The following TRDN variants were observed in gnomAD, a reference collection of about 807,000 sequenced individuals.
TRDN encodes triadin in skeletal muscle.
In TRDN, 161 loss-of-function variants were observed where a neutral mutation model predicts 149.7. That is an observed-to-expected ratio of 1.08 (90% CI 0.95 to 1.23). The LOEUF (loss-of-function observed/expected upper bound fraction) is 1.23, where lower values mean the gene tolerates loss of function less well. Ranked by LOEUF, TRDN falls within the 50% of genes most tolerant of loss-of-function variation. The probability of loss-of-function intolerance (pLI) is 0.00; values close to 1 mark genes in which losing one functional copy is unlikely to be tolerated. For missense variants in TRDN, 896 were observed against 823.5 expected (o/e 1.09, Z -1.08); for synonymous variants, 294 against 250.5 (o/e 1.17, Z -1.64).
chr6:123,610,649 G>A (rs1227695212), intron 1 of TRDN, among the ~76,000 whole-genome samples: 3 of 152,148 alleles, frequency 2.0e-5, no homozygotes, highest in African/African-American at 4.8e-5. Flanking sequence ...AGCCTATAAT[G>A]TACCTTCATT....
chr6:123,506,844 T>G (rs189998327), intron 7 of TRDN, among the ~76,000 whole-genome samples: 272 of 152,338 alleles, frequency 1.8e-3, no homozygotes, highest in African/African-American at 6.3e-3. Context: ...GCTTCCATTT[T>G]TCTGAATTTT....
chr6:123,352,846 AACAAGCTCT>A (rs1321323369), intron 20 of TRDN, among the ~76,000 whole-genome samples: 1 of 151,906 alleles, frequency 6.6e-6, no homozygotes, highest in East Asian at 1.9e-4. Flanking sequence ...CGCTTTGATA[AACAAGCTCT>A]ACATAGAATT....
chr6:123,634,497 A>G (rs1786188939), intron 1 of TRDN, among the ~76,000 whole-genome samples: 1 of 151,948 alleles, frequency 6.6e-6, no homozygotes, highest in African/African-American at 2.4e-5. Context: ...ATGAGATAAA[A>G]TAAGACTATT....
intron 1 of TRDN, among the ~76,000 whole-genome samples, chr6:123,577,265 C>T (rs1301992904): frequency 2.0e-5 from 3 of 151,964 alleles, no homozygotes; most frequent in Non-Finnish European, 4.4e-5. Context: ...CGTTACCCAA[C>T]AATTATTTTT....
At chr6:123,286,269 A>G (rs976703830) in intron 24 of TRDN, among the ~76,000 whole-genome samples, 10 of 152,100 alleles carry the variant, frequency 6.6e-5, no homozygotes, top group African/African-American at 2.2e-4. Context: ...ACATGGAATC[A>G]CCCCAAATGC....
At chr6:123,268,376 T>A (rs573618718) in intron 31 of TRDN, among the ~76,000 whole-genome samples, 1 of 152,156 alleles carries the variant, frequency 6.6e-6, no homozygotes, top group East Asian at 1.9e-4. Context: ...GTAATTGACA[T>A]CCCTCTTAGT....
At chr6:123,342,612 A>G (rs1345450389) in intron 21 of TRDN, among the ~76,000 whole-genome samples, 1 of 151,990 alleles carries the variant, frequency 6.6e-6, no homozygotes, top group African/African-American at 2.4e-5. Context: ...CCATAATTTT[A>G]TAGATGTGAT....
intron 38 of TRDN, among the ~76,000 whole-genome samples, chr6:123,250,871 A>T (rs887384487): frequency 6.6e-6 from 1 of 152,036 alleles, no homozygotes; most frequent in Non-Finnish European, 1.5e-5. Context: ...TCTACCTGAC[A>T]GTTTCACCCG....
chr6:123,447,919 C>G (rs1020397348), intron 10 of TRDN, among the ~76,000 whole-genome samples: 1 of 152,094 alleles, frequency 6.6e-6, no homozygotes, highest in Non-Finnish European at 1.5e-5. Context: ...CGAGAGTGCC[C>G]CAACTGTGGA....
intron 21 of TRDN, among the ~76,000 whole-genome samples, chr6:123,347,761 C>T (rs1482088650): frequency 2.6e-5 from 4 of 151,914 alleles, no homozygotes; most frequent in Non-Finnish European, 5.9e-5. Context: ...GATGGAAGGT[C>T]CTTTAGAGAT....
intron 35 of TRDN, among the ~76,000 whole-genome samples, chr6:123,258,370 TTTTC>T (rs1776637211): frequency 6.6e-6 from 1 of 152,200 alleles, no homozygotes; most frequent in Non-Finnish European, 1.5e-5. Context: ...GTCAAAGGCC[TTTTC>T]TTTATCTATT....
At chr6:123,423,982 A>T (rs534754313) in intron 12 of TRDN, among the ~76,000 whole-genome samples, 1 of 152,104 alleles carries the variant, frequency 6.6e-6, no homozygotes, top group South Asian at 2.1e-4. Context: ...GTAACTTGAA[A>T]CCCCATTTGA....
intron 24 of TRDN, among the ~76,000 whole-genome samples, chr6:123,311,917 G>C (rs1281304579): frequency 6.6e-6 from 1 of 151,892 alleles, no homozygotes; most frequent in Non-Finnish European, 1.5e-5. Flanking sequence ...GGGAGGTGAA[G>C]GATTTCAACA....
At position 123,374,315 on chromosome 6, in the gene TRDN, G is replaced by A. The variant is rs116487986; in HGVS notation, c.1273+1290C>T. On this transcript the variant is annotated intron_variant, in intron 19 of 40. Transcript: ENST00000334268. ...ATATGTCACATTTTTCTAGGAAGAA[G>A]ATTTTCATTTTCAGAGCAATCTTCA... Among the ~76,000 whole-genome samples, 249 of 152,096 alleles carry A rather than the reference G, an allele frequency of 1.6e-3. 2 individuals are homozygous for A. The highest frequency in any genetic ancestry group is 5.7e-3 in the African/African-American group (237 of 41,516).
At chr6:123,459,996 GT>G (rs1776358767) in intron 10 of TRDN, among the ~76,000 whole-genome samples, 1 of 152,142 alleles carries the variant, frequency 6.6e-6, no homozygotes, top group African/African-American at 2.4e-5. Context: ...AGTAGCATAA[GT>G]TTTCCCATGG....
intron 1 of TRDN, among the ~76,000 whole-genome samples, chr6:123,592,555 T>A (rs72962839): frequency 0.084 from 12,826 of 152,168 alleles, 575 homozygotes; most frequent in South Asian, 0.14. Flanking sequence ...ATCGGATCAT[T>A]TCAAATAGCT....
At position 123,223,999 on chromosome 6, in the gene TRDN, A is replaced by G. The variant is rs551748111; in HGVS notation, c.2014+94T>C. ...GTTGCCTAGAAAAGCTTAAGACTAG[A>G]TCAAGAATAGCTAGGAAAAAAAAAA... On this transcript the variant is annotated intron_variant, in intron 39 of 40. Coordinates refer to ENST00000334268, the MANE Select transcript of TRDN (RefSeq NM_006073.4). 100 of 1,191,142 alleles carry G rather than the reference A, an allele frequency of 8.4e-5. No homozygotes were observed. The African/African-American group carries it at 1.5e-3, about 18-fold the overall frequency. 73.8% of individuals were successfully genotyped at this position (1,191,142 alleles called of 1,614,324 possible).
chr6:123,422,222 C>A (rs1054981915), intron 12 of TRDN, among the ~76,000 whole-genome samples: 7 of 152,068 alleles, frequency 4.6e-5, no homozygotes, highest in African/African-American at 1.4e-4. Flanking sequence ...TGGAACCAGT[C>A]GCTGGGACGT....
chr6:123,427,929 T>C (rs1050285335), intron 12 of TRDN, among the ~76,000 whole-genome samples: 10 of 152,174 alleles, frequency 6.6e-5, no homozygotes, highest in South Asian at 2.1e-4. Flanking sequence ...CTTTATTCTA[T>C]GTTGGGTTGG....
Sources: allele counts gnomAD v4.1 joint callset (sites outside exome capture counted in the v4.1 genomes callset), GRCh38; gene constraint gnomAD v4.1.1; transcripts MANE v1.5; gene names NCBI Gene and HGNC (gene_info 2026-07-23, HGNC 2026-07-21).